SCP2: variants seen among roughly 807,000 people sequenced by gnomAD.
SCP2 encodes the protein sterol carrier protein 2.
A neutral mutation model predicts 71.4 loss-of-function variants in SCP2; 48 were observed. That is an observed-to-expected ratio of 0.67 (90% confidence interval 0.53 to 0.86). The LOEUF is 0.86. Among genes scored for constraint, SCP2 ranks in the 40% least tolerant of loss-of-function variants. The probability of loss-of-function intolerance (pLI) is 0.00; values close to 1 mark genes in which losing one functional copy is unlikely to be tolerated. For synonymous variants in SCP2, 220 were observed against 218.1 expected (o/e 1.01, Z -0.08); for missense variants, 560 against 655.6 (o/e 0.85, Z 1.59).
intron 7 of SCP2, 96 bp from the exon 8 acceptor site, chr1:52,976,587 G>T: frequency 1.3e-6 from 1 of 756,086 alleles, no homozygotes. Flanking sequence ...TTCTGGTTGT[G>T]AAAATAATAT....
At chr1:53,012,570 T>G (rs934939945) in intron 11 of SCP2, among the ~76,000 whole-genome samples, 17 of 152,380 alleles carry the variant, frequency 1.1e-4, no homozygotes, top group African/African-American at 3.8e-4. Flanking sequence ...ACTTCTAGAT[T>G]ATCTAGTTTT....
chr1:53,041,175 G>A (rs111885229), intron 14 of SCP2, among the ~76,000 whole-genome samples: 9,769 of 152,034 alleles, frequency 0.064, 880 homozygotes, highest in African/African-American at 0.2. Context: ...AGGCCGAGGC[G>A]GGCGGATTAC....
At chr1:52,943,051 A>G (rs758359726) in intron 2 of SCP2, among the ~76,000 whole-genome samples, 7 of 152,082 alleles carry the variant, frequency 4.6e-5, no homozygotes, top group Non-Finnish European at 8.8e-5. Flanking sequence ...TCACACACGC[A>G]TGAAAATGGA....
At chr1:53,034,858 C>T (rs995178214) in intron 13 of SCP2, among the ~76,000 whole-genome samples, 5 of 152,134 alleles carry the variant, frequency 3.3e-5, no homozygotes, top group Non-Finnish European at 5.9e-5. Context: ...GTAATCTCAG[C>T]ACTTTGGGAG....
intron 6 of SCP2, among the ~76,000 whole-genome samples, chr1:52,970,871 C>T (rs59415390): frequency 0.017 from 2,584 of 148,310 alleles, 82 homozygotes; most frequent in African/African-American, 0.061. Context: ...TGAAATTTGG[C>T]ATTTTCTATT....
chr1:53,038,753 C>T (rs1663201669), intron 13 of SCP2, among the ~76,000 whole-genome samples, 164 bp from the exon 14 acceptor site: 1 of 152,126 alleles, frequency 6.6e-6, no homozygotes, highest in African/African-American at 2.4e-5. Context: ...GAGTTGTTGC[C>T]TGCTTGCCTT....
At chr1:52,962,808 C>T (rs530629482) in intron 6 of SCP2, among the ~76,000 whole-genome samples, 1 of 152,178 alleles carries the variant, frequency 6.6e-6, no homozygotes, top group African/African-American at 2.4e-5. Context: ...TTCCTATTCA[C>T]TATCTCCTGC....
chr1:53,048,347 C>T, intron 15 of SCP2: 1 of 272,922 alleles, frequency 3.7e-6, no homozygotes, highest in Non-Finnish European at 7.4e-6. Flanking sequence ...GGAGGGGTGG[C>T]ATGAACAAAG....
chr1:52,939,009 T>G (rs972550593), intron 1 of SCP2, among the ~76,000 whole-genome samples: 1 of 152,224 alleles, frequency 6.6e-6, no homozygotes, highest in Admixed American at 6.5e-5. Context: ...CTCTATAAAT[T>G]TTACCTTTTC....
intron 11 of SCP2, among the ~76,000 whole-genome samples, chr1:52,997,358 AG>A (rs1403751370): frequency 6.6e-6 from 1 of 152,156 alleles, no homozygotes; most frequent in East Asian, 1.9e-4. Flanking sequence ...TAGTAGAGAC[AG>A]GGTTTCATTA....
intron 5 of SCP2, among the ~76,000 whole-genome samples, chr1:52,958,658 G>C (rs962149678): frequency 3.3e-5 from 5 of 151,970 alleles, no homozygotes; most frequent in African/African-American, 1.2e-4. Context: ...CCATATTCTG[G>C]GGTAATGTTT....
intron 14 of SCP2, among the ~76,000 whole-genome samples, chr1:53,043,929 T>G (rs569330468): frequency 3.3e-4 from 50 of 152,348 alleles, no homozygotes; most frequent in Admixed American, 7.2e-4. Context: ...GCAGCTAAGT[T>G]AGGATGACCA....
rs369755120 is a variant in SCP2 at position 52,979,147 on chromosome 1, T to G, written c.825+780T>G. On this transcript the variant is annotated intron_variant, in intron 9 of 15. Coordinates refer to ENST00000371514, the MANE Select transcript of SCP2 (RefSeq NM_002979.5). ...TTTAGGTTTCCTGGTTATAGTACAT[T>G]TTTCATTATACCACAGTTTTATTTC... Among the ~76,000 whole-genome samples, 23 of 152,196 alleles carry G rather than the reference T, an allele frequency of 1.5e-4. 1 individual carries two copies. The highest frequency in any genetic ancestry group is 5.5e-4 in the African/African-American group (23 of 41,558).
intron 7 of SCP2, among the ~76,000 whole-genome samples, chr1:52,976,186 C>T (rs1372094767): frequency 6.6e-6 from 1 of 152,106 alleles, no homozygotes; most frequent in Non-Finnish European, 1.5e-5. Context: ...CAGGAAGCCC[C>T]GCTGAACACC....
rs78875186 is a variant in SCP2, at chr1:52,959,198, AT to A, written c.397-2291del. On this transcript the variant is annotated intron_variant, in intron 5 of 15. Coordinates refer to ENST00000371514, the MANE Select transcript of SCP2 (RefSeq NM_002979.5). Reference sequence around the variant, plus strand: ...ACTTCTTTTCTTTTCTTTAAAAAAAATTTTTTTTTTTTTTGAGATGGAATTT... The same window carrying A: ...ACTTCTTTTCTTTTCTTTAAAAAAAATTTTTTTTTTTTTGAGATGGAATTT... 5.5e-3 allele frequency among the ~76,000 whole-genome samples: 806 copies of A among 146,858 alleles called. 15 individuals carry two copies. The highest frequency in any genetic ancestry group is 0.038 in the East Asian group (194 of 5,092).
chr1:52,961,689 T>C, intron 6 of SCP2, 60 bp downstream of exon 6: 1 of 1,403,128 alleles, frequency 7.1e-7, no homozygotes, highest in Non-Finnish European at 1.0e-6. Context: ...AGATGAGAAA[T>C]GACAGTTATT....
At chr1:52,942,844 C>A (rs960182715) in intron 2 of SCP2, among the ~76,000 whole-genome samples, 17 of 151,760 alleles carry the variant, frequency 1.1e-4, no homozygotes, top group African/African-American at 3.9e-4. Context: ...GGATTACAGG[C>A]ACACACCTCC....
chr1:53,029,760 A>G (rs1662395123), intron 13 of SCP2, among the ~76,000 whole-genome samples: 1 of 152,228 alleles, frequency 6.6e-6, no homozygotes, highest in African/African-American at 2.4e-5. Context: ...GAGCAGGGCC[A>G]GGCATTGGCC....
intron 14 of SCP2, among the ~76,000 whole-genome samples, chr1:53,043,536 A>G (rs2150270956): frequency 6.6e-6 from 1 of 152,364 alleles, no homozygotes; most frequent in South Asian, 2.1e-4. Context: ...AGCTTTGGCA[A>G]CAGGAATCTG....
Sources: allele counts gnomAD v4.1 joint callset (sites outside exome capture counted in the v4.1 genomes callset), GRCh38; gene constraint gnomAD v4.1.1; transcripts MANE v1.5; gene names NCBI Gene and HGNC (gene_info 2026-07-23, HGNC 2026-07-21).